SUGCT: variants seen among roughly 807,000 people sequenced by gnomAD.
The protein encoded by SUGCT is succinyl-CoA:glutarate CoA-transferase.
In SUGCT, 41 loss-of-function variants were observed where a neutral mutation model predicts 55.0. The observed-to-expected ratio is 0.74, with a 90% confidence interval of 0.58 to 0.97. The LOEUF is 0.97. Ranked by LOEUF, SUGCT falls within the 50% of genes least tolerant of loss-of-function variation. SUGCT has a pLI of 0.00. For missense variants in SUGCT, 568 were observed against 547.8 expected (o/e 1.04, Z -0.37); for synonymous variants, 187 against 200.4 (o/e 0.93, Z 0.56).
chr7:40,631,587 C>T (rs1348081021), intron 12 of SUGCT, among the ~76,000 whole-genome samples: 1 of 152,194 alleles, frequency 6.6e-6, no homozygotes, highest in Non-Finnish European at 1.5e-5. Context: ...AGAAGTGATC[C>T]ATGTTTAGAC....
At position 40,822,507 on chromosome 7, in the gene SUGCT, A is replaced by G. The variant is rs1416582191; in HGVS notation, c.1154-37809A>G. Reference sequence around the variant, plus strand: ...CTCTTCTTGTTGAGTTGATCCCTTTACCATTATGTAATGGCCTTCTTTGTC... The same window carrying G: ...CTCTTCTTGTTGAGTTGATCCCTTTGCCATTATGTAATGGCCTTCTTTGTC... On this transcript the variant is annotated intron_variant, in intron 13 of 13. Coordinates refer to ENST00000335693, the MANE Select transcript of SUGCT (RefSeq NM_001193313.2). Among the ~76,000 whole-genome samples the G allele has an allele frequency of 2.0e-5, 3 of 151,922 alleles. No homozygotes were observed. In the East Asian group the frequency reaches 5.8e-4, roughly 29 times the overall value.
chr7:40,753,522 G>A (rs945366867), intron 13 of SUGCT, among the ~76,000 whole-genome samples: 1 of 152,140 alleles, frequency 6.6e-6, no homozygotes, highest in Non-Finnish European at 1.5e-5. Context: ...AGCATTACCA[G>A]CTTATTACCA....
intron 13 of SUGCT, among the ~76,000 whole-genome samples, chr7:40,804,338 G>A (rs1489822661): frequency 6.6e-6 from 1 of 152,046 alleles, no homozygotes; most frequent in Non-Finnish European, 1.5e-5. Flanking sequence ...AGTTTCATGA[G>A]GGCAGATACT....
chr7:40,706,931 C>T (rs1308257928), intron 12 of SUGCT, among the ~76,000 whole-genome samples: 3 of 152,190 alleles, frequency 2.0e-5, no homozygotes, highest in Non-Finnish European at 4.4e-5. Context: ...CAGTCCTGCT[C>T]CTTAAAAGAG....
At chr7:41,009,720 C>A in the SUGCT span, among the ~76,000 whole-genome samples, 2 of 152,080 alleles carry the variant, frequency 1.3e-5, no homozygotes, top group Non-Finnish European at 2.9e-5. Context: ...TCCACCCACC[C>A]ATTCATCCAT....
At chr7:40,380,540 T>G (rs1784818808) in intron 9 of SUGCT, among the ~76,000 whole-genome samples, 2 of 152,208 alleles carry the variant, frequency 1.3e-5, no homozygotes. Context: ...TGGCTTATTC[T>G]GCTTTGAAGA....
chr7:40,392,460 T>C (rs1043272383), intron 9 of SUGCT, among the ~76,000 whole-genome samples: 1 of 148,056 alleles, frequency 6.8e-6, no homozygotes, highest in Non-Finnish European at 1.5e-5. Flanking sequence ...GGGTAATGGG[T>C]GGGGGGAAGA....
chr7:40,156,901 A>G (rs1403044171), intron 1 of SUGCT, among the ~76,000 whole-genome samples: 2 of 151,728 alleles, frequency 1.3e-5, no homozygotes. Context: ...CTGTAAACCC[A>G]GCTACTCAGA....
At chr7:40,716,612 A>G (rs1786039428) in intron 12 of SUGCT, among the ~76,000 whole-genome samples, 1 of 152,188 alleles carries the variant, frequency 6.6e-6, no homozygotes, top group Admixed American at 6.5e-5. Flanking sequence ...ATTTGTGAAA[A>G]GAGTAATTTT....
At chr7:40,167,270 C>T (rs116038106) in intron 1 of SUGCT, among the ~76,000 whole-genome samples, 2,142 of 152,272 alleles carry the variant, frequency 0.014, 42 homozygotes, top group African/African-American at 0.05. Context: ...AAAATACATA[C>T]TGTTTTTCAT....
At chr7:40,154,389 T>G (rs1306101917) in intron 1 of SUGCT, among the ~76,000 whole-genome samples, 1 of 152,220 alleles carries the variant, frequency 6.6e-6, no homozygotes, top group African/African-American at 2.4e-5. Flanking sequence ...TGTTTTGTGT[T>G]TTGGGCAATT....
chr7:41,005,049 G>A, the SUGCT span, among the ~76,000 whole-genome samples: 1 of 152,126 alleles, frequency 6.6e-6, no homozygotes, highest in African/African-American at 2.4e-5. Flanking sequence ...TTCCTATGCT[G>A]TCTCTTTGCC....
chr7:40,588,668 G>T (rs891167561), intron 12 of SUGCT, among the ~76,000 whole-genome samples: 4 of 152,068 alleles, frequency 2.6e-5, no homozygotes, highest in Admixed American at 2.0e-4. Context: ...TAGGTTCAAG[G>T]TTTAATACCA....
At chr7:40,936,211 G>A in the SUGCT span, among the ~76,000 whole-genome samples, 4 of 151,594 alleles carry the variant, frequency 2.6e-5, no homozygotes, top group Admixed American at 6.6e-5. Flanking sequence ...TTGGGCTTGG[G>A]TTTTTCCTTG....
chr7:40,437,325 G>A (rs1170361021), intron 9 of SUGCT, among the ~76,000 whole-genome samples: 2 of 152,168 alleles, frequency 1.3e-5, no homozygotes, highest in Admixed American at 6.6e-5. Context: ...ATATATGTGA[G>A]CATTCCAATT....
At chr7:40,954,986 A>G in the SUGCT span, among the ~76,000 whole-genome samples, 24 of 152,002 alleles carry the variant, frequency 1.6e-4, no homozygotes, top group Non-Finnish European at 3.5e-4. Flanking sequence ...TGTTCTGTTC[A>G]ATTGGTCCAT....
intron 7 of SUGCT, among the ~76,000 whole-genome samples, chr7:40,253,878 A>G (rs1261257692): frequency 6.6e-6 from 1 of 152,266 alleles, no homozygotes; most frequent in Non-Finnish European, 1.5e-5. Flanking sequence ...AAATAAATAT[A>G]GAGAAAATAA....
At chr7:40,821,204 G>C (rs905986099) in intron 13 of SUGCT, among the ~76,000 whole-genome samples, 3 of 152,166 alleles carry the variant, frequency 2.0e-5, no homozygotes, top group Non-Finnish European at 2.9e-5. Flanking sequence ...ATGTTCATCA[G>C]GGATGTTTGT....
intron 8 of SUGCT, among the ~76,000 whole-genome samples, chr7:40,276,007 A>C (rs1287646552): frequency 6.6e-6 from 1 of 152,230 alleles, no homozygotes; most frequent in Non-Finnish European, 1.5e-5. Flanking sequence ...TGGGAATTTC[A>C]GATTTAAAAG....
Sources: allele counts gnomAD v4.1 joint callset (sites outside exome capture counted in the v4.1 genomes callset), GRCh38; gene constraint gnomAD v4.1.1; transcripts MANE v1.5; gene names NCBI Gene and HGNC (gene_info 2026-07-23, HGNC 2026-07-21).